The following DENND1B variants were observed in gnomAD, a reference collection of about 807,000 sequenced individuals.
DENND1B encodes the protein DENN domain-containing protein 1B.
DENND1B carries 59 observed loss-of-function variants against 90.1 expected under a neutral mutation model. The observed-to-expected ratio is 0.65, with a 90% CI of 0.53 to 0.81. DENND1B has a LOEUF of 0.81. Among genes scored for constraint, DENND1B ranks in the 40% least tolerant of loss-of-function variants. The pLI is 0.00. For synonymous variants in DENND1B, 337 were observed against 324.6 expected (o/e 1.04, Z -0.41); for missense variants, 862 against 912.6 (o/e 0.94, Z 0.71).
At chr1:197,552,819 C>G (rs996584613) in intron 16 of DENND1B, 1 of 1,324,708 alleles carries the variant, frequency 7.5e-7, no homozygotes, top group East Asian at 3.2e-5. Flanking sequence ...ATTCAGGAGG[C>G]CAACTTAATG....
chr1:197,713,952 CCA>C (rs1660358650), intron 3 of DENND1B, among the ~76,000 whole-genome samples: 1 of 2,868 alleles, frequency 3.5e-4, no homozygotes, highest in African/African-American at 1.2e-3. Context: ...TACATATACA[CCA>C]ATAATAAATA....
intron 2 of DENND1B, chr1:197,762,074 ATATAACT>A (rs1655121932): frequency 6.6e-6 from 1 of 152,178 alleles, no homozygotes; most frequent in East Asian, 1.9e-4. Flanking sequence ...TGTAATAACA[ATATAACT>A]TATAGCAAGT....
rs772709023 is a variant in DENND1B, at chr1:197,512,924, A to C, written c.1545T>G (p.Leu515=). The C allele has an allele frequency of 5.6e-6, 9 of 1,610,336 alleles. No individual in the cohort carries two copies. The highest frequency in any genetic ancestry group is 2.2e-5 in the East Asian group (1 of 44,774). Residue 515 remains leucine, a synonymous_variant, in exon 21 of 23, where the codon CTT becomes CTG. Coordinates refer to ENST00000620048, the MANE Select transcript of DENND1B (RefSeq NM_001195215.2). The stretch of plus-strand genomic sequence containing the variant: ...CTTCATCATCATATAGAGCACCATC[A>C]AGGCTCTTAAGAGGCCTTTTTAAGC... The part of the protein sequence containing the change: ...QARLKRPLKS[L]DGALYDDEDD...
chr1:197,748,494 A>T (rs1208183920), intron 2 of DENND1B, among the ~76,000 whole-genome samples: 4 of 152,174 alleles, frequency 2.6e-5, no homozygotes, highest in Admixed American at 6.5e-5. Context: ...GCTGACCTTA[A>T]AATAGGGAGC....
intron 11 of DENND1B, among the ~76,000 whole-genome samples, chr1:197,617,344 T>A (rs1011208547): frequency 6.6e-6 from 1 of 151,156 alleles, no homozygotes; most frequent in Non-Finnish European, 1.5e-5. Context: ...GTTCTCTAAC[T>A]GACACCATAA....
intron 14 of DENND1B, among the ~76,000 whole-genome samples, chr1:197,587,621 C>G (rs1022143617): frequency 3.9e-5 from 6 of 152,092 alleles, no homozygotes; most frequent in Admixed American, 6.6e-5. Flanking sequence ...AATTCTTGAT[C>G]ATCTTTGCAT....
At chr1:197,638,758 T>C (rs1028587713) in intron 10 of DENND1B, among the ~76,000 whole-genome samples, 7 of 152,202 alleles carry the variant, frequency 4.6e-5, no homozygotes, top group Non-Finnish European at 1.0e-4. Context: ...CTTAAACATC[T>C]ATGGCCTACC....
intron 14 of DENND1B, among the ~76,000 whole-genome samples, chr1:197,594,155 A>G (rs192373526): frequency 1.3e-5 from 2 of 152,292 alleles, no homozygotes; most frequent in Admixed American, 1.3e-4. Context: ...CAAGCAGCTG[A>G]ACTTATAAAA....
At chr1:197,671,912 C>G (rs1030398716) in intron 5 of DENND1B, 125 bp downstream of exon 5, 12 of 1,011,728 alleles carry the variant, frequency 1.2e-5, no homozygotes, top group Non-Finnish European at 1.6e-5. Flanking sequence ...TACAGAAAAT[C>G]AGGAAAATTA....
At chr1:197,623,422 G>A (rs1048435923) in intron 10 of DENND1B, among the ~76,000 whole-genome samples, 7 of 151,192 alleles carry the variant, frequency 4.6e-5, no homozygotes, top group African/African-American at 1.7e-4. Context: ...GACCAAAAAC[G>A]GGAGCAGCAG....
chr1:197,718,561 T>C (rs1660860813), intron 2 of DENND1B, among the ~76,000 whole-genome samples: 1 of 151,960 alleles, frequency 6.6e-6, no homozygotes. Flanking sequence ...CATCTATATA[T>C]ATAATGTAAT....
At chr1:197,567,394 C>T (rs1224364246) in intron 15 of DENND1B, among the ~76,000 whole-genome samples, 1 of 152,086 alleles carries the variant, frequency 6.6e-6, no homozygotes, top group Non-Finnish European at 1.5e-5. Flanking sequence ...GACCTGATGA[C>T]TCCACTGCTG....
chr1:197,736,477 G>A (rs1251425320), intron 2 of DENND1B, among the ~76,000 whole-genome samples: 6 of 151,982 alleles, frequency 3.9e-5, no homozygotes, highest in African/African-American at 7.2e-5. Context: ...GACTACAGGC[G>A]TGTGCCACCA....
intron 2 of DENND1B, chr1:197,746,947 T>G (rs1485083715): frequency 7.5e-7 from 1 of 1,328,520 alleles, no homozygotes; most frequent in African/African-American, 1.4e-5. Flanking sequence ...TTCCTCAGTC[T>G]TCTCAATATT....
At chr1:197,728,321 T>G (rs1156981484) in intron 2 of DENND1B, among the ~76,000 whole-genome samples, 4 of 152,224 alleles carry the variant, frequency 2.6e-5, no homozygotes, top group Non-Finnish European at 5.9e-5. Flanking sequence ...TTTCAAATAT[T>G]GTTTTAAACT....
rs922358290 is a variant in DENND1B, at chr1:197,627,779, C to T, written c.673-10020G>A. On this transcript the variant is annotated intron_variant, in intron 10 of 22. Coordinates refer to ENST00000620048, the MANE Select transcript of DENND1B (RefSeq NM_001195215.2). Reference sequence around the variant, plus strand: ...TGACATTATTGTATATATAGAAAACCCCATTGTCTCAGCCCAAAATCTCCT... The same window carrying T: ...TGACATTATTGTATATATAGAAAACTCCATTGTCTCAGCCCAAAATCTCCT... Among the ~76,000 whole-genome samples the T allele has an allele frequency of 2.6e-5, 4 of 152,078 alleles. No homozygotes were observed. The South Asian group carries it at 8.3e-4, about 32-fold the overall frequency.
rs984315028 is a variant in DENND1B, at chr1:197,652,983, T to C, written c.367-668A>G. 9.2e-5 allele frequency among the ~76,000 whole-genome samples: 14 copies of C among 152,158 alleles called. No homozygotes were observed. In the East Asian group the frequency reaches 2.5e-3, roughly 27 times the overall value. ...ATTTTTATAGACATAATTATCCTTA[T>C]TCTCTATTTTCATATTGGAAAGAAT... On this transcript the variant is annotated intron_variant, in intron 6 of 22. Coordinates refer to ENST00000620048, the MANE Select transcript of DENND1B (RefSeq NM_001195215.2).
intron 15 of DENND1B, among the ~76,000 whole-genome samples, chr1:197,575,116 G>A (rs930131648): frequency 4.6e-5 from 7 of 152,048 alleles, no homozygotes; most frequent in Non-Finnish European, 7.4e-5. Flanking sequence ...CACAGCTTCC[G>A]CATGGCAAAA....
At chr1:197,512,202 TG>T (rs1668077880) in intron 21 of DENND1B, among the ~76,000 whole-genome samples, 1 of 151,770 alleles carries the variant, frequency 6.6e-6, no homozygotes, top group South Asian at 2.1e-4. Flanking sequence ...TTTAATTCTG[TG>T]GAATTTGGGA....
Sources: allele counts gnomAD v4.1 joint callset (sites outside exome capture counted in the v4.1 genomes callset), GRCh38; gene constraint gnomAD v4.1.1; transcripts MANE v1.5; gene names NCBI Gene and HGNC (gene_info 2026-07-23, HGNC 2026-07-21).